The following LCN12 variants were observed in gnomAD, a reference collection of about 807,000 sequenced individuals.
LCN12 encodes the protein lipocalin 12, also known as epididymal-specific lipocalin-12.
A neutral mutation model predicts 23.7 loss-of-function variants in LCN12; 15 were observed. The ratio of observed to expected loss-of-function variants is 0.63; its 90% CI spans 0.42 to 0.97. The LOEUF is 0.97. Among genes scored for constraint, LCN12 ranks in the 50% least tolerant of loss-of-function variants. The probability of loss-of-function intolerance (pLI) is 0.00; values close to 1 mark genes in which losing one functional copy is unlikely to be tolerated. For synonymous variants in LCN12, 116 were observed against 111.5 expected, an observed-to-expected ratio of 1.04 and a Z score of -0.25; for missense variants, 219 against 249.6, an observed-to-expected ratio of 0.88 and a Z score of 0.83.
In LCN12 at chr9:136,955,467, C is replaced by T. The variant is rs1174684254; in HGVS notation, c.*68C>T. Reference sequence around the variant, plus strand: ...TGTGCGAGCTCTGCCCTCCTCAGCTCTCAAACCTGAATAAATGCACCAAGC... The same window carrying T: ...TGTGCGAGCTCTGCCCTCCTCAGCTTTCAAACCTGAATAAATGCACCAAGC... On this transcript the variant is annotated 3_prime_UTR_variant, in exon 6 of 6. Coordinates refer to ENST00000371633, the MANE Select transcript of LCN12 (RefSeq NM_178536.4). 3 of 1,495,838 alleles carry T rather than the reference C, an allele frequency of 2.0e-6. No individual in the cohort carries two copies. The highest frequency in any genetic ancestry group is 1.4e-5 in the African/African-American group (1 of 72,362). 92.7% of individuals were successfully genotyped at this position (1,495,838 alleles called of 1,614,324 possible).
At chr9:136,952,206 A>C (rs1851169971), upstream of LCN12, 1 of 727,934 alleles carries the variant, frequency 1.4e-6, no homozygotes, top group Non-Finnish European at 2.4e-6. Flanking sequence ...GGAGGGAGGC[A>C]GAGGGGCACA....
upstream of LCN12, among the ~76,000 whole-genome samples, chr9:136,949,343 C>T (rs1359434180): frequency 6.6e-6 from 1 of 152,254 alleles, no homozygotes; most frequent in Non-Finnish European, 1.5e-5. Context: ...CCCCGCCTTG[C>T]CTGGACGTGA....
chr9:136,952,171 G>T, upstream of LCN12: 1 of 647,698 alleles, frequency 1.5e-6, no homozygotes, highest in Non-Finnish European at 2.8e-6. Context: ...CCTGCCCTGG[G>T]CACCACCTCT....
chr9:136,954,000 C>T, intron 4 of LCN12, 36 bp downstream of exon 4: 2 of 1,595,218 alleles, frequency 1.3e-6, no homozygotes, highest in Non-Finnish European at 8.5e-7. Flanking sequence ...CCGTGTGTGG[C>T]CCTGGAGGCA....
intron 5 of LCN12, 155 bp downstream of exon 5, chr9:136,954,410 C>T (rs761906193): frequency 2.2e-6 from 2 of 925,994 alleles, no homozygotes; most frequent in East Asian, 5.4e-5. Flanking sequence ...TCCCTGTGCT[C>T]AACCCAGGCT....
At chr9:136,956,512 G>A (rs2131383098), downstream of LCN12, among the ~76,000 whole-genome samples, 1 of 152,358 alleles carries the variant, frequency 6.6e-6, no homozygotes, top group South Asian at 2.1e-4. Flanking sequence ...GACACCAGCT[G>A]TGGTGCTTAC....
chr9:136,955,236 C>A, intron 5 of LCN12, 135 bp from the exon 6 acceptor site: 1 of 1,477,680 alleles, frequency 6.8e-7, no homozygotes. Flanking sequence ...CCTAGACCCA[C>A]TGCTGGTCCC....
At chr9:136,954,597 G>A (rs1564448859) in intron 5 of LCN12, 1 of 614,284 alleles carries the variant, frequency 1.6e-6, no homozygotes, top group Non-Finnish European at 2.6e-6. Flanking sequence ...CGGGTCTCCT[G>A]TCCTGGGCTA....
At chr9:136,950,029 C>G (rs552563819), upstream of LCN12, among the ~76,000 whole-genome samples, 2 of 151,764 alleles carry the variant, frequency 1.3e-5, no homozygotes, top group South Asian at 4.2e-4. Context: ...AGCCAGGACT[C>G]CCCCGGGAGC....
rs1187175409 is a variant in LCN12 at position 136,953,845 on chromosome 9, C to G, written c.332-3C>G. The G allele has an allele frequency of 6.3e-7, 1 of 1,599,100 alleles. No homozygotes were observed. The highest frequency in any genetic ancestry group is 1.7e-5 in the Admixed American group (1 of 57,442). Reference sequence around the variant, plus strand: ...CAGGGATGTGACGTCTGTGCCGCCTCAGAGCCCGGGGCGGACAGAGAGGAG... The same window carrying G: ...CAGGGATGTGACGTCTGTGCCGCCTGAGAGCCCGGGGCGGACAGAGAGGAG... On this transcript the variant is annotated splice_region_variant and splice_polypyrimidine_tract_variant and intron_variant, in intron 3 of 5. Transcript: ENST00000371633.
rs376253287 is a variant in LCN12, at chr9:136,953,888, C to T, written c.372C>T (p.Ser124=). The change falls in exon 4 of 6, where the codon AGC becomes AGT. Residue 124 remains serine, a synonymous_variant. Coordinates refer to ENST00000371633, the MANE Select transcript of LCN12 (RefSeq NM_178536.4). Reference sequence around the variant, plus strand: ...GAGAGGAGACCCGGGTGGTGGACAGCGACTACACCCAGTTCGCCCTGATGC... The same window carrying T: ...GAGAGGAGACCCGGGTGGTGGACAGTGACTACACCCAGTTCGCCCTGATGC... ...ADREETRVVD[S]DYTQFALMLS... is the part of the protein sequence containing the mutation. 6.2e-6 allele frequency: 10 copies of T among 1,608,608 alleles called. No individual in the cohort carries two copies. In the South Asian group the frequency reaches 7.8e-5, roughly 12 times the overall value.
At chr9:136,951,600 C>T (rs917056383), upstream of LCN12, among the ~76,000 whole-genome samples, 2 of 152,210 alleles carry the variant, frequency 1.3e-5, no homozygotes, top group African/African-American at 4.8e-5. Context: ...GTGCCCACTC[C>T]CATTAGTGGG....
chr9:136,951,000 G>C (rs1029842286), upstream of LCN12, among the ~76,000 whole-genome samples: 1 of 105,360 alleles, frequency 9.5e-6, no homozygotes, highest in Admixed American at 1.1e-4. Context: ...GGGGTGGGAG[G>C]GGGCAGCCAG....
At chr9:136,952,861 C>T (rs912330593) in intron 1 of LCN12, 31 bp from the exon 2 acceptor site, 2 of 1,588,538 alleles carry the variant, frequency 1.3e-6, no homozygotes, top group Non-Finnish European at 1.7e-6. Flanking sequence ...CCCCTGCCCA[C>T]CGCCGCCCCT....
chr9:136,955,380 C>T lies in LCN12; in HGVS notation c.560C>T (p.Pro187Leu). Residue 187 changes from proline (P) to leucine (L), a missense_variant, in exon 6 of 6, where the codon CCC becomes CTC. Transcript: ENST00000371633. The stretch of plus-strand genomic sequence containing the variant: ...CCATCTCCCCCACCAGGCTGGTCAC[C>T]CCAGGCCAGCGTCTGTTGAAGGATG... ...IVFPDVTGWS[P>L]QASVC 4 of 1,613,376 alleles carry T rather than the reference C, an allele frequency of 2.5e-6. No homozygotes were observed. The highest frequency in any genetic ancestry group is 3.4e-6 in the Non-Finnish European group (4 of 1,179,790).
chr9:136,952,566 C>G, intron 1 of LCN12, 125 bp downstream of exon 1: 1 of 725,604 alleles, frequency 1.4e-6, no homozygotes, highest in Non-Finnish European at 2.3e-6. Context: ...CAGGAGCCCC[C>G]AGGCGGGCCC....
chr9:136,953,144 T>G, intron 2 of LCN12, 116 bp downstream of exon 2: 5 of 1,406,690 alleles, frequency 3.6e-6, no homozygotes, highest in Non-Finnish European at 4.9e-6. Context: ...GCTTCATGAC[T>G]CTGCCTGCCA....
chr9:136,950,011 G>A (rs1159748009), upstream of LCN12, among the ~76,000 whole-genome samples: 2 of 145,492 alleles, frequency 1.4e-5, no homozygotes, highest in South Asian at 2.4e-4. Context: ...ATGGAAGGCC[G>A]AGGTCAGAGC....
upstream of LCN12, among the ~76,000 whole-genome samples, chr9:136,951,581 C>T (rs1424825435): frequency 6.6e-6 from 1 of 152,252 alleles, no homozygotes; most frequent in African/African-American, 2.4e-5. Context: ...TAGGCAGGAC[C>T]AGCATGGGGT....
Sources: allele counts gnomAD v4.1 joint callset (sites outside exome capture counted in the v4.1 genomes callset), GRCh38; gene constraint gnomAD v4.1.1; transcripts MANE v1.5; gene names NCBI Gene and HGNC (gene_info 2026-07-23, HGNC 2026-07-21).